Variants in JMJD1C observed in about 807,000 individuals in gnomAD.
The protein encoded by JMJD1C is jumonji domain-containing protein 1C.
In JMJD1C, 31 loss-of-function variants were observed where a neutral mutation model predicts 245.3. The ratio of observed to expected loss-of-function variants is 0.13; its 90% CI spans 0.09 to 0.17. The LOEUF (loss-of-function observed/expected upper bound fraction) is 0.17. JMJD1C is among the 10% of genes least tolerant of loss of function. JMJD1C has a pLI of 1.00. For missense variants in JMJD1C, 2,691 were observed against 3,000.2 expected (o/e 0.90, Z 2.41); for synonymous variants, 1,057 against 1,017.4 (o/e 1.04, Z -0.74).
intron 1 of JMJD1C, among the ~76,000 whole-genome samples, chr10:63,383,543 G>GA (rs2134526391): frequency 6.6e-6 from 1 of 151,916 alleles, no homozygotes; most frequent in African/African-American, 2.4e-5. Flanking sequence ...TACAAAAAAT[G>GA]AAAAAAATTA....
At chr10:63,396,599 A>G (rs1948503636) in intron 1 of JMJD1C, among the ~76,000 whole-genome samples, 1 of 152,186 alleles carries the variant, frequency 6.6e-6, no homozygotes, top group South Asian at 2.1e-4. Context: ...CATTAACAGA[A>G]TAGTATTCCC....
intron 2 of JMJD1C, among the ~76,000 whole-genome samples, chr10:63,353,722 G>A (rs1944562592): frequency 6.6e-6 from 1 of 151,998 alleles, no homozygotes; most frequent in South Asian, 2.1e-4. Flanking sequence ...GGCCAGGCTG[G>A]TCTCGAACTC....
At chr10:63,204,138 GA>G (rs71463504) in intron 10 of JMJD1C, 42 of 895,220 alleles carry the variant, frequency 4.7e-5, no homozygotes, top group South Asian at 1.5e-4. Flanking sequence ...AAATATTTAA[GA>G]AAAAAAAAAC....
chr10:63,376,235 C>A (rs186307467), intron 2 of JMJD1C, among the ~76,000 whole-genome samples: 4 of 152,006 alleles, frequency 2.6e-5, no homozygotes, highest in Admixed American at 6.6e-5. Flanking sequence ...GACATCTACA[C>A]GTAAAAAAAA....
chr10:63,302,598 T>C (rs1391452556), intron 2 of JMJD1C, among the ~76,000 whole-genome samples: 1 of 152,254 alleles, frequency 6.6e-6, no homozygotes, highest in African/African-American at 2.4e-5. Flanking sequence ...ATCTTGGAAC[T>C]ATGTTTTTAC....
In JMJD1C at chr10:63,209,209, C is replaced by A. The variant is rs749582418; in HGVS notation, c.2721G>T (p.Gln907His). The A allele has an allele frequency of 1.2e-6, 2 of 1,611,036 alleles. No homozygotes were observed. The highest frequency in any genetic ancestry group is 8.5e-7 in the Non-Finnish European group (1 of 1,178,720). Residue 907 changes from glutamine (Q) to histidine (H), a missense_variant, in exon 9 of 26, where the codon CAG (glutamine) becomes CAT (histidine). Physicochemically the swap from Gln to His is conservative, Grantham distance 24 (BLOSUM62 0). This residue lies in a region of JMJD1C where 1,562 missense variants were observed against 1,490.7 expected (regional missense o/e 1.05). Coordinates refer to ENST00000399262, the MANE Select transcript of JMJD1C (RefSeq NM_032776.3). ...RRNSPSPWLH[Q>H]PTPVTSADGI... ...CATCTGCTGAGGTCACAGGGGTGGGCTGATGTAGCCAAGGACTGGGAGAAT... is the reference window on the plus strand; with the variant it reads ...CATCTGCTGAGGTCACAGGGGTGGGATGATGTAGCCAAGGACTGGGAGAAT...
rs986291984 is a variant in JMJD1C, at chr10:63,238,189, A to AAAAAAAAG, written c.448-18207_448-18206insCTTTTTTT. ...GTGTGAGACTCCATCTCAAAAAAAA[A>AAAAAAAAG]AAAAAAGAAAAAAAGGAAGGAAGCT... On this transcript the variant is annotated intron_variant, in intron 3 of 25. Coordinates refer to ENST00000399262, the MANE Select transcript of JMJD1C (RefSeq NM_032776.3). 1.7e-3 allele frequency among the ~76,000 whole-genome samples: 237 copies of AAAAAAAAG among 135,764 alleles called. 13 individuals carry two copies. Among genetic ancestry groups the AAAAAAAAG allele is most frequent in the Middle Eastern group, 3.6e-3 (1 of 274 alleles). The allele number at this position is 135,764 out of a possible 152,430, so 89.1% of individuals were successfully genotyped here. A position where few individuals can be genotyped will look rare whatever the true frequency, so the allele number is the denominator to read the frequency against.
intron 1 of JMJD1C, among the ~76,000 whole-genome samples, chr10:63,415,003 A>G (rs1483179786): frequency 6.6e-6 from 1 of 151,798 alleles, no homozygotes; most frequent in African/African-American, 2.4e-5. Context: ...CAAGGCCTTA[A>G]AAGTGAACTG....
At chr10:63,347,888 T>C (rs1943993743) in intron 2 of JMJD1C, among the ~76,000 whole-genome samples, 1 of 152,086 alleles carries the variant, frequency 6.6e-6, no homozygotes, top group Non-Finnish European at 1.5e-5. Flanking sequence ...CCCTCCAGCC[T>C]AGGCAACAGA....
intron 1 of JMJD1C, among the ~76,000 whole-genome samples, chr10:63,517,614 A>C (rs1955061084): frequency 6.6e-6 from 1 of 152,140 alleles, no homozygotes; most frequent in Non-Finnish European, 1.5e-5. Flanking sequence ...TATGTATAAA[A>C]TCAAAATTAA....
chr10:63,176,798 A>AC (rs1842896027), intron 23 of JMJD1C: 1 of 135,340 alleles, frequency 7.4e-6, no homozygotes, highest in African/African-American at 2.9e-5. Context: ...GGAACAGGGT[A>AC]TTTTTTTTTT....
intron 1 of JMJD1C, among the ~76,000 whole-genome samples, chr10:63,426,034 C>T (rs10740124): frequency 0.66 from 100,261 of 152,018 alleles, 35,980 homozygotes; most frequent in Non-Finnish European, 0.81. Context: ...TATTGTTCTT[C>T]TATATTTATT....
At chr10:63,493,815 T>G (rs1954259678) in intron 1 of JMJD1C, among the ~76,000 whole-genome samples, 1 of 152,108 alleles carries the variant, frequency 6.6e-6, no homozygotes, top group Non-Finnish European at 1.5e-5. Flanking sequence ...TCATATAAAG[T>G]TAGAAAGGAA....
At chr10:63,282,420 A>C (rs1413188867) in intron 2 of JMJD1C, among the ~76,000 whole-genome samples, 1 of 152,232 alleles carries the variant, frequency 6.6e-6, no homozygotes, top group Non-Finnish European at 1.5e-5. Context: ...TATTTCTTTA[A>C]GTATTGGTAA....
In JMJD1C at chr10:63,389,323, A is replaced by G. The variant is rs905882639; in HGVS notation, c.169-8841T>C. Among the ~76,000 whole-genome samples the G allele has an allele frequency of 8.0e-5, 12 of 150,180 alleles. 1 individual carries two copies. Among genetic ancestry groups the G allele is most frequent in the Non-Finnish European group, 1.3e-4 (9 of 67,500 alleles). ...TGAGACCCTGTCTCAAAAAAAAAAA[A>G]AAAAAGAAAAAGAAAAAAGATCTAA... On this transcript the variant is annotated intron_variant, in intron 1 of 25. Transcript: ENST00000399262.
Position 63,168,453 on chromosome 10 carries a change from A to C in JMJD1C, c.7515T>G (p.Asn2505Lys). The change falls in exon 25 of 26, where the codon AAT becomes AAG. Residue 2505 changes from asparagine to lysine, a missense_variant. Around this residue, in one of 9 missense-constraint regions of JMJD1C, gnomAD observed 232 missense variants for 416.1 expected, o/e 0.56. Transcript: ENST00000399262. ...QELRLLKEEI[N>K]YDDKLQVKNI... ...CTCTTACCTGTAGTTTATCATCATA[A>C]TTGATTTCTTCCTTCAAAAGTCTCA... 6.2e-7 allele frequency: 1 copy of C among 1,608,612 alleles called. No homozygotes were observed. Among genetic ancestry groups the C allele is most frequent in the Non-Finnish European group, 8.5e-7 (1 of 1,178,230 alleles).
intron 1 of JMJD1C, among the ~76,000 whole-genome samples, chr10:63,407,807 C>G (rs999443905): frequency 1.4e-5 from 2 of 146,060 alleles, no homozygotes; most frequent in South Asian, 2.2e-4. Context: ...ATACAACAAT[C>G]TGGAGAAACA....
chr10:63,184,639 A>G lies in JMJD1C; in HGVS notation c.6930T>C (p.Pro2310=). 3 of 1,613,838 alleles carry G rather than the reference A, an allele frequency of 1.9e-6. No homozygotes were observed. In the South Asian group the frequency reaches 3.3e-5, roughly 18 times the overall value. ...CACTGCACAACCTGGGTCCTAGATCAGGACGTACAAAAAATCCTGGCAAAT... is the reference window on the plus strand; with the variant it reads ...CACTGCACAACCTGGGTCCTAGATCGGGACGTACAAAAAATCCTGGCAAAT... ...ASHLPGFFVR[P]DLGPRLCSAY... is the part of the protein sequence containing the mutation. Residue 2310 remains proline (P), a synonymous_variant, in exon 21 of 26, where the codon CCT becomes CCC. Coordinates refer to ENST00000399262, the MANE Select transcript of JMJD1C (RefSeq NM_032776.3).
intron 8 of JMJD1C, among the ~76,000 whole-genome samples, chr10:63,211,333 T>C (rs886539094): frequency 6.6e-6 from 1 of 151,712 alleles, no homozygotes; most frequent in East Asian, 1.9e-4. Flanking sequence ...AGGTGTGGTG[T>C]TGCACACCTG....
Sources: gnomAD v4.1 joint callset for allele counts (sites outside exome capture counted in the v4.1 genomes callset) on GRCh38, gnomAD v4.1.1 for gene constraint, gnomAD v4.1.1 regional missense constraint, MANE v1.5 for transcripts, NCBI Gene and HGNC (gene_info 2026-07-23, HGNC 2026-07-21) for gene names.